Variants in TEK observed in about 807,000 individuals in gnomAD.
TEK encodes the protein TEK receptor tyrosine kinase.
Under a neutral mutation model 131.8 loss-of-function variants are expected in TEK, and 43 were observed. The observed-to-expected ratio is 0.33, with a 90% CI of 0.26 to 0.42. The LOEUF (loss-of-function observed/expected upper bound fraction) is 0.42. Among genes scored for constraint, TEK ranks in the 10% least tolerant of loss-of-function variants. The pLI is 1.00. For synonymous variants in TEK, 580 were observed against 491.6 expected, an observed-to-expected ratio of 1.18 and a Z score of -2.38; for missense variants, 1,162 against 1,384.4, an observed-to-expected ratio of 0.84 and a Z score of 2.55.
chr9:27,158,426 A>G lies in TEK; in HGVS notation c.364+284A>G, dbSNP rs181454667. On this transcript the variant is annotated intron_variant, in intron 2 of 22. Coordinates refer to ENST00000380036, the MANE Select transcript of TEK (RefSeq NM_000459.5). ...TGGTACTTATGGATAGTTGACTGTT[A>G]CATGTATGTAATATGAAAATCATAG... 9.8e-5 allele frequency among the ~76,000 whole-genome samples: 15 copies of G among 152,322 alleles called. No individual in the cohort carries two copies. In the East Asian group the frequency reaches 2.7e-3, roughly 27 times the overall value.
intron 4 of TEK, 61 bp from the exon 5 acceptor site, chr9:27,172,555 A>C: frequency 6.2e-7 from 1 of 1,606,304 alleles, no homozygotes; most frequent in South Asian, 1.1e-5. Context: ...GTAGGTGCTC[A>C]ATAAAGATGT....
chr9:27,221,116 T>G (rs111291607), intron 21 of TEK, among the ~76,000 whole-genome samples: 10,517 of 152,076 alleles, frequency 0.069, 581 homozygotes, highest in Admixed American at 0.17. Context: ...GAGGCTTGAG[T>G]AGGCGGTTTT....
intron 18 of TEK, among the ~76,000 whole-genome samples, chr9:27,216,356 C>G (rs7034283): frequency 6.6e-6 from 1 of 151,794 alleles, no homozygotes; most frequent in Non-Finnish European, 1.5e-5. Context: ...ACAGAAGTGA[C>G]GAGATCCAAA....
chr9:27,215,635 A>G lies in TEK; in HGVS notation c.2991+2038A>G, dbSNP rs562731397. On this transcript the variant is annotated intron_variant, in intron 18 of 22. Transcript: ENST00000380036. ...ATTACTGCAAACTACTATACTAAGC[A>G]ATTTGGGGTTTCACTATCATAGATT... 9.0e-4 allele frequency among the ~76,000 whole-genome samples: 136 copies of G among 151,642 alleles called. 2 individuals carry two copies. The South Asian group carries it at 0.026, about 29-fold the overall frequency.
intron 1 of TEK, among the ~76,000 whole-genome samples, chr9:27,140,194 T>C (rs542837470): frequency 2.8e-4 from 42 of 152,174 alleles, no homozygotes; most frequent in African/African-American, 7.7e-4. Context: ...AAGTATAATA[T>C]AAACAATGCA....
chr9:27,156,866 G>A lies in TEK; in HGVS notation c.53-965G>A, dbSNP rs1289415775. Among the ~76,000 whole-genome samples, 3 of 151,962 alleles carry A rather than the reference G, an allele frequency of 2.0e-5. No individual in the cohort carries two copies. The East Asian group carries it at 5.8e-4, about 29-fold the overall frequency. Reference sequence around the variant, plus strand: ...CTGATTGTTTTATGCACATTTGAGAGCCAACCATCACTGGAGCTAGAGAAC... The same window carrying A: ...CTGATTGTTTTATGCACATTTGAGAACCAACCATCACTGGAGCTAGAGAAC... On this transcript the variant is annotated intron_variant, in intron 1 of 22. Transcript: ENST00000380036.
At chr9:27,213,122 C>T (rs1028043992) in intron 17 of TEK, among the ~76,000 whole-genome samples, 1 of 152,102 alleles carries the variant, frequency 6.6e-6, no homozygotes, top group Non-Finnish European at 1.5e-5. Flanking sequence ...TAATTTTCTT[C>T]TATCTAATTT....
chr9:27,202,549 T>C lies in TEK; in HGVS notation c.1910-271T>C, dbSNP rs148487660. On this transcript the variant is annotated intron_variant, in intron 12 of 22. Transcript: ENST00000380036. ...TTTCCATTCTTCCCAGCATCAAGAATAGTAAGTACAGGTTTGTGGAATAAC... is the reference window on the plus strand; with the variant it reads ...TTTCCATTCTTCCCAGCATCAAGAACAGTAAGTACAGGTTTGTGGAATAAC... Among the ~76,000 whole-genome samples the C allele has an allele frequency of 1.3e-3, 193 of 152,330 alleles. 4 individuals are homozygous for C. The East Asian group carries it at 0.033, about 26-fold the overall frequency.
intron 1 of TEK, among the ~76,000 whole-genome samples, chr9:27,120,795 C>T (rs1029127330): frequency 2.6e-5 from 4 of 152,202 alleles, no homozygotes; most frequent in African/African-American, 9.6e-5. Flanking sequence ...TCAGAAGTGG[C>T]CCTTGCAGGA....
At chr9:27,188,642 G>A (rs1824688212) in intron 9 of TEK, among the ~76,000 whole-genome samples, 1 of 152,146 alleles carries the variant, frequency 6.6e-6, no homozygotes, top group Non-Finnish European at 1.5e-5. Flanking sequence ...CCAGTTAGGG[G>A]ATACTGCTTC....
intron 14 of TEK, among the ~76,000 whole-genome samples, chr9:27,206,010 C>T (rs1375173492): frequency 1.3e-5 from 2 of 152,078 alleles, no homozygotes; most frequent in African/African-American, 4.8e-5. Context: ...CATGGTAGCA[C>T]CAGCAGCTAT....
Position 27,183,592 on chromosome 9 carries a change from G to T in TEK, c.1164G>T (p.Pro388=), listed in dbSNP as rs371664404. Residue 388 remains proline, a synonymous_variant, in exon 8 of 23, where the codon CCG becomes CCT. Transcript: ENST00000380036. ...ATGAAGAAATGACCCTGGTGAAGCC[G>T]GATGGGACAGTGCTCCATGTAAGAG... is the stretch of plus-strand genomic sequence containing the variant. ...PTNEEMTLVK[P]DGTVLHPKDF... is the part of the protein sequence containing the mutation. The T allele has an allele frequency of 5.0e-6, 8 of 1,613,722 alleles. No individual in the cohort carries two copies. Among genetic ancestry groups the T allele is most frequent in the East Asian group, 4.5e-5 (2 of 44,892 alleles).
chr9:27,136,659 G>A (rs1467437742), intron 1 of TEK, among the ~76,000 whole-genome samples: 1 of 151,922 alleles, frequency 6.6e-6, no homozygotes, highest in Non-Finnish European at 1.5e-5. Context: ...CTGACGACTG[G>A]AGACAAAGAA....
intron 1 of TEK, among the ~76,000 whole-genome samples, chr9:27,119,252 C>T (rs1454197056): frequency 1.3e-5 from 2 of 152,102 alleles, no homozygotes; most frequent in Admixed American, 1.3e-4. Flanking sequence ...GTTTCATGGT[C>T]ACCTCAGGTT....
At chr9:27,166,184 T>C (rs970801944) in intron 2 of TEK, among the ~76,000 whole-genome samples, 1 of 152,254 alleles carries the variant, frequency 6.6e-6, no homozygotes, top group African/African-American at 2.4e-5. Flanking sequence ...TGTTTTGCTA[T>C]TAATTTCTAA....
chr9:27,189,232 G>A (rs1824717985), intron 9 of TEK, among the ~76,000 whole-genome samples: 1 of 152,130 alleles, frequency 6.6e-6, no homozygotes, highest in African/African-American at 2.4e-5. Flanking sequence ...CGGTGCTGGT[G>A]AACAAACTAC....
chr9:27,131,101 C>T (rs987368867), intron 1 of TEK, among the ~76,000 whole-genome samples: 6 of 152,186 alleles, frequency 3.9e-5, no homozygotes, highest in Non-Finnish European at 8.8e-5. Context: ...CTCAGTAATA[C>T]ATGGCTGAGG....
At chr9:27,146,572 G>C (rs970215443) in intron 1 of TEK, among the ~76,000 whole-genome samples, 2 of 152,140 alleles carry the variant, frequency 1.3e-5, no homozygotes, top group African/African-American at 4.8e-5. Context: ...ATAATGCCAT[G>C]TTGCTGCAAG....
intron 18 of TEK, among the ~76,000 whole-genome samples, chr9:27,217,135 C>G (rs962606922): frequency 6.6e-6 from 1 of 152,188 alleles, no homozygotes; most frequent in African/African-American, 2.4e-5. Flanking sequence ...AGCTACAAAT[C>G]AGCTCAATCT....
Sources: gnomAD v4.1 joint callset for allele counts (sites outside exome capture counted in the v4.1 genomes callset) on GRCh38, gnomAD v4.1.1 for gene constraint, MANE v1.5 for transcripts, NCBI Gene and HGNC (gene_info 2026-07-23, HGNC 2026-07-21) for gene names.